Variants in POLG2 observed in about 807,000 individuals in gnomAD.
The protein encoded by POLG2 is DNA polymerase subunit gamma-2.
In POLG2, 50 loss-of-function variants were observed where a neutral mutation model predicts 56.5. That is an observed-to-expected ratio of 0.88 (90% CI 0.71 to 1.12). POLG2 has a LOEUF of 1.12. Among genes scored for constraint, POLG2 ranks in the 50% most tolerant of loss-of-function variants. The pLI is 0.00. For missense variants in POLG2, 584 were observed against 583.3 expected (o/e 1.00, Z -0.01); for synonymous variants, 226 against 222.6 (o/e 1.02, Z -0.14).
At chr17:64,492,464 C>T (rs1283400523) in intron 3 of POLG2, among the ~76,000 whole-genome samples, 1 of 152,204 alleles carries the variant, frequency 6.6e-6, no homozygotes, top group Non-Finnish European at 1.5e-5. Flanking sequence ...TTAACAAACA[C>T]ATCTGAGCCC....
intron 6 of POLG2, chr17:64,481,459 G>GA (rs1312401087): frequency 3.7e-5 from 36 of 973,300 alleles, no homozygotes; most frequent in Non-Finnish European, 4.3e-5. Context: ...GGAACGAAAT[G>GA]AAAGCCATCC....
Position 64,496,440 on chromosome 17 carries a change from T to C in POLG2, c.529A>G (p.Thr177Ala). Residue 177 changes from threonine to alanine, a missense_variant, in exon 1 of 8, where the codon ACT (threonine) becomes GCT (alanine). Transcript: ENST00000539111. Reference sequence around the variant, plus strand: ...AGGTTCTCCCGTAGTTTCCCAGAAGTTTTTAATACGTTCTCAAGAAATGCT... The same window carrying C: ...AGGTTCTCCCGTAGTTTCCCAGAAGCTTTTAATACGTTCTCAAGAAATGCT... ...LVAFLENVLK[T>A]SGKLRENLLH... 6.3e-7 allele frequency: 1 copy of C among 1,587,342 alleles called. No homozygotes were observed. Among genetic ancestry groups the C allele is most frequent in the Non-Finnish European group, 8.6e-7 (1 of 1,159,622 alleles).
chr17:64,496,044 G>A (rs1306751793), intron 1 of POLG2, among the ~76,000 whole-genome samples: 3 of 152,298 alleles, frequency 2.0e-5, no homozygotes, highest in African/African-American at 7.2e-5. Flanking sequence ...AATAGTTTCA[G>A]AATTATAATT....
At chr17:64,486,512 C>A (rs992942956) in intron 4 of POLG2, among the ~76,000 whole-genome samples, 9 of 152,100 alleles carry the variant, frequency 5.9e-5, no homozygotes, top group Non-Finnish European at 1.3e-4. Context: ...CAGGCACACA[C>A]CACCATGTCT....
At chr17:64,478,041 T>C in intron 7 of POLG2, 53 bp from the exon 8 acceptor site, 1 of 1,577,688 alleles carries the variant, frequency 6.3e-7, no homozygotes, top group Non-Finnish European at 8.7e-7. Context: ...AATAATAAAT[T>C]CCTCCACGTT....
At chr17:64,493,869 AT>A (rs2038106710) in intron 1 of POLG2, among the ~76,000 whole-genome samples, 1 of 152,188 alleles carries the variant, frequency 6.6e-6, no homozygotes, top group Admixed American at 6.5e-5. Flanking sequence ...ACCTAGATTC[AT>A]CAATTATCAA....
At chr17:64,479,949 G>T (rs2037830134) in intron 7 of POLG2, among the ~76,000 whole-genome samples, 1 of 152,196 alleles carries the variant, frequency 6.6e-6, no homozygotes, top group South Asian at 2.1e-4. Flanking sequence ...GGACCACAAT[G>T]CCAGCAAAGA....
chr17:64,492,871 C>A (rs781861539), intron 2 of POLG2, 24 bp downstream of exon 2: 2 of 1,613,418 alleles, frequency 1.2e-6, no homozygotes, highest in Non-Finnish European at 1.7e-6. Context: ...AATACAAGGC[C>A]AAGTTATTTG....
At position 64,477,988 on chromosome 17, in the gene POLG2, C is replaced by T. The variant is rs863224170; in HGVS notation, c.1293G>A (p.Lys431=). Residue 431 remains lysine (K), a splice_region_variant and synonymous_variant, in exon 8 of 8, where the codon AAG becomes AAA. Transcript: ENST00000539111. The part of the protein sequence containing the change: ...MQSSLEQLYS[K]YDEMSILFTV... ...TGAAGAGAATACTCATTTCATCATA[C>T]CTAAGAAAAAAGTAGTTAAACAGAC... is the stretch of plus-strand genomic sequence containing the variant. The T allele has an allele frequency of 1.9e-6, 3 of 1,613,212 alleles. No individual in the cohort carries two copies. The highest frequency in any genetic ancestry group is 2.2e-5 in the South Asian group (2 of 91,050).
In POLG2 at chr17:64,485,785, A is replaced by G; in HGVS notation, c.1053T>C (p.Tyr351=). The G allele has an allele frequency of 6.2e-7, 1 of 1,612,988 alleles. No individual in the cohort carries two copies. The highest frequency in any genetic ancestry group is 8.5e-7 in the Non-Finnish European group (1 of 1,178,898). Residue 351 remains tyrosine, a synonymous_variant, in exon 5 of 8, where the codon TAT becomes TAC. Coordinates refer to ENST00000539111, the MANE Select transcript of POLG2 (RefSeq NM_007215.4). Reference sequence around the variant, plus strand: ...AGTTCTCTGTCAGCTGGAAAGAATCATAGAGGTAGGCCAGCATGCCTCGGT... The same window carrying G: ...AGTTCTCTGTCAGCTGGAAAGAATCGTAGAGGTAGGCCAGCATGCCTCGGT... ...DLDRGMLAYL[Y]DSFQLTENSF...
intron 5 of POLG2, 94 bp from the exon 6 acceptor site, chr17:64,483,093 TAAC>T: frequency 1.5e-6 from 1 of 666,390 alleles, no homozygotes; most frequent in Non-Finnish European, 2.7e-6. Context: ...ACACAAGTAT[TAAC>T]AAACAGTTTC....
At chr17:64,490,768 AT>A (rs1555668323) in intron 4 of POLG2, 27 bp downstream of exon 4, 2 of 1,581,422 alleles carry the variant, frequency 1.3e-6, no homozygotes, top group African/African-American at 2.7e-5. Context: ...TGGGTAAAAA[AT>A]ACATAGGAGC....
At chr17:64,485,944 ACT>A (rs1438716298) in intron 4 of POLG2, 76 bp from the exon 5 acceptor site, 8 of 1,465,342 alleles carry the variant, frequency 5.5e-6, no homozygotes, top group South Asian at 1.2e-5. Flanking sequence ...ACGGAGTCTC[ACT>A]CTGTCACCTG....
rs781917596 is a variant in POLG2, at chr17:64,496,687, C to G, written c.282G>C (p.Gly94=). The G allele has an allele frequency of 6.2e-7, 1 of 1,614,014 alleles. No individual in the cohort carries two copies. The change falls in exon 1 of 8, where the codon GGG becomes GGC. Residue 94 remains glycine (G), a synonymous_variant. Transcript: ENST00000539111. The stretch of plus-strand genomic sequence containing the variant: ...CCAAGGGTCCGAAGCCGGGGTGGCA[C>G]CCACTCAGAAGAGAATCCCGGCTAA... ...QQLSRDSLLS[G]CHPGFGPLGV...
intron 6 of POLG2, 43 bp downstream of exon 6, chr17:64,482,876 C>A (rs181108585): frequency 1.8e-6 from 2 of 1,135,806 alleles, no homozygotes; most frequent in Admixed American, 1.7e-5. Context: ...TTGGATAATA[C>A]TCAATCTGTA....
intron 1 of POLG2, 34 bp from the exon 2 acceptor site, chr17:64,493,055 T>C (rs1022295353): frequency 6.2e-7 from 1 of 1,611,556 alleles, no homozygotes. Context: ...TGTATACATC[T>C]AGTCCACAAA....
intron 4 of POLG2, chr17:64,490,423 AG>A (rs1426168951): frequency 3.9e-6 from 1 of 258,026 alleles, no homozygotes; most frequent in African/African-American, 2.3e-5. Flanking sequence ...GACAGATCCC[AG>A]CCAAGGCATA....
Position 64,492,937 on chromosome 17 carries a change from T to C in POLG2, c.647A>G (p.His216Arg), listed in dbSNP as rs146699284. The change falls in exon 2 of 8, where the codon CAT becomes CGT. Residue 216 changes from histidine (H) to arginine (R), a missense_variant. His to Arg is a conservative substitution (Grantham distance 29). Coordinates refer to ENST00000539111, the MANE Select transcript of POLG2 (RefSeq NM_007215.4). ...YGLAQIGVCFHPVFDTKQIRN... is the reference protein window; with the variant it reads ...YGLAQIGVCFRPVFDTKQIRN... ...TATCTGCTTAGTGTCAAAAACAGGA[T>C]GAAAACACACTCCAATCTGAGCAAG... The C allele has an allele frequency of 8.1e-6, 13 of 1,613,984 alleles. No individual in the cohort carries two copies. Among genetic ancestry groups the C allele is most frequent in the East Asian group, 2.2e-5 (1 of 44,882 alleles).
At position 64,485,707 on chromosome 17, in the gene POLG2, T is replaced by C. The variant is rs370343053; in HGVS notation, c.1110+21A>G. Reference sequence around the variant, plus strand: ...CCATATTTTTAGTTTCCCAAGTCTATCTCTGAAATATCAACAGCACCTTTC... The same window carrying C: ...CCATATTTTTAGTTTCCCAAGTCTACCTCTGAAATATCAACAGCACCTTTC... On this transcript the variant is annotated intron_variant, in intron 5 of 7. Coordinates refer to ENST00000539111, the MANE Select transcript of POLG2 (RefSeq NM_007215.4). 15 of 1,595,330 alleles carry C rather than the reference T, an allele frequency of 9.4e-6. No homozygotes were observed. The African/African-American group carries it at 2.0e-4, about 21-fold the overall frequency.
Sources: gnomAD v4.1 joint callset for allele counts (sites outside exome capture counted in the v4.1 genomes callset) on GRCh38, gnomAD v4.1.1 for gene constraint, MANE v1.5 for transcripts, NCBI Gene and HGNC (gene_info 2026-07-23, HGNC 2026-07-21) for gene names.